The following PHACTR1 variants were observed in gnomAD, a reference collection of about 807,000 sequenced individuals.
PHACTR1 encodes the protein phosphatase and actin regulator 1.
In PHACTR1, 16 loss-of-function variants were observed where a neutral mutation model predicts 69.2. The ratio of observed to expected loss-of-function variants is 0.23; its 90% confidence interval spans 0.16 to 0.35. The LOEUF (loss-of-function observed/expected upper bound fraction) is 0.35, where lower values mean the gene tolerates loss of function less well. Ranked by LOEUF, PHACTR1 falls within the 10% of genes least tolerant of loss-of-function variation. The pLI, the probability that PHACTR1 is intolerant of heterozygous loss-of-function variation, is 1.00. For synonymous variants in PHACTR1, 312 were observed against 284.5 expected (o/e 1.10, Z -0.97); for missense variants, 510 against 734.7 (o/e 0.69, Z 3.54).
At chr6:13,064,586 ATATATATATATATATATATCTATATATC>A (rs1486851908) in intron 5 of PHACTR1, among the ~76,000 whole-genome samples, 634 of 8,894 alleles carry the variant, frequency 0.071, 55 homozygotes, top group Non-Finnish European at 0.098. Context: ...ATATATATAT[ATATATATATATATATATATCTATATATC>A]TATCTATCCA....
At chr6:12,829,544 G>C (rs1157841137) in intron 4 of PHACTR1, among the ~76,000 whole-genome samples, 2 of 152,200 alleles carry the variant, frequency 1.3e-5, no homozygotes, top group Non-Finnish European at 2.9e-5. Flanking sequence ...GTGGCTTGGA[G>C]TATGGAATAA....
chr6:13,124,082 C>A (rs528881998), intron 5 of PHACTR1, among the ~76,000 whole-genome samples: 1 of 152,290 alleles, frequency 6.6e-6, no homozygotes, highest in Admixed American at 6.5e-5. Flanking sequence ...CCAAGATCCT[C>A]ATCAAAAGAA....
chr6:13,028,798 A>T (rs1199653333), intron 4 of PHACTR1, among the ~76,000 whole-genome samples: 1 of 152,180 alleles, frequency 6.6e-6, no homozygotes, highest in Non-Finnish European at 1.5e-5. Context: ...AGAGCCACTG[A>T]ATAAGGAGCA....
At chr6:13,152,911 T>C (rs2113466465) in intron 5 of PHACTR1, among the ~76,000 whole-genome samples, 1 of 151,766 alleles carries the variant, frequency 6.6e-6, no homozygotes, top group East Asian at 1.9e-4. Context: ...ATAAGCAGGC[T>C]TAGGATTGGC....
At chr6:13,280,812 A>G (rs938564404) in intron 12 of PHACTR1, 2 of 513,182 alleles carry the variant, frequency 3.9e-6, no homozygotes, top group African/African-American at 4.0e-5. Context: ...GGCTGCAAAG[A>G]TTATTTTTGC....
rs541213321 is a variant in PHACTR1 at position 13,201,420 on chromosome 6, G to A, written c.665-4395G>A. Among the ~76,000 whole-genome samples, 66 of 152,200 alleles carry A rather than the reference G, an allele frequency of 4.3e-4. 1 individual carries two copies. The highest frequency in any genetic ancestry group is 8.1e-4 in the Non-Finnish European group (55 of 68,038). On this transcript the variant is annotated intron_variant, in intron 7 of 14. Transcript: ENST00000332995. ...GGGAAATCCAGAGGCCAGAGTGGAC[G>A]AGAGAGATGTAAGTGGGAGACTCAT...
chr6:13,131,958 A>G (rs1187264636), intron 5 of PHACTR1, among the ~76,000 whole-genome samples: 1 of 152,118 alleles, frequency 6.6e-6, no homozygotes, highest in Non-Finnish European at 1.5e-5. Context: ...ATATTTCCTA[A>G]TCTCCTTTTT....
intron 4 of PHACTR1, among the ~76,000 whole-genome samples, chr6:12,952,604 T>C (rs1420186908): frequency 6.6e-6 from 1 of 152,228 alleles, no homozygotes; most frequent in Non-Finnish European, 1.5e-5. Flanking sequence ...TACCAGTTTA[T>C]TTATGCATAC....
intron 5 of PHACTR1, among the ~76,000 whole-genome samples, chr6:13,115,148 C>T (rs1476677995): frequency 6.6e-6 from 1 of 152,184 alleles, no homozygotes; most frequent in Non-Finnish European, 1.5e-5. Flanking sequence ...GTATGAGATC[C>T]TAACGTAGGT....
chr6:13,218,515 T>C (rs193188529), intron 8 of PHACTR1, among the ~76,000 whole-genome samples: 28 of 152,252 alleles, frequency 1.8e-4, no homozygotes. Context: ...ATTTTTGAAG[T>C]CTAGAGATCC....
In PHACTR1 at chr6:13,171,446, CTT is replaced by C. The variant is rs752982707; in HGVS notation, c.497-11070_497-11069del. Reference sequence around the variant, plus strand: ...CCTCTCTGTTCCAGAAATGGATTGACTTTTGCATACATGTAAGGCCCATGGTT... The same window carrying C: ...CCTCTCTGTTCCAGAAATGGATTGACTTGCATACATGTAAGGCCCATGGTT... On this transcript the variant is annotated intron_variant, in intron 6 of 14. Coordinates refer to ENST00000332995, the MANE Select transcript of PHACTR1 (RefSeq NM_030948.6). Among the ~76,000 whole-genome samples the C allele has an allele frequency of 8.4e-4, 128 of 152,326 alleles. 1 individual carries two copies. Among genetic ancestry groups the C allele is most frequent in the Admixed American group, 1.3e-3 (20 of 15,312 alleles).
rs1249936148 is a variant in PHACTR1, at chr6:13,125,812, C to G, written c.416-34392C>G. ...AGACTTGGTGGTGCACACCTATAGT[C>G]CCAGCTACTTGGGAGGCTGAGGTGG... On this transcript the variant is annotated intron_variant, in intron 5 of 14. Transcript: ENST00000332995. Among the ~76,000 whole-genome samples the G allele has an allele frequency of 3.3e-5, 5 of 151,968 alleles. No homozygotes were observed. The East Asian group carries it at 9.7e-4, about 29-fold the overall frequency.
chr6:13,163,531 AGAG>A (rs1285007581), intron 6 of PHACTR1, among the ~76,000 whole-genome samples: 8 of 152,238 alleles, frequency 5.3e-5, no homozygotes, highest in African/African-American at 1.7e-4. Context: ...GATGTTGGGA[AGAG>A]GAGAAGAAGA....
intron 4 of PHACTR1, among the ~76,000 whole-genome samples, chr6:13,033,720 A>G (rs1802818360): frequency 6.6e-6 from 1 of 152,180 alleles, no homozygotes; most frequent in Non-Finnish European, 1.5e-5. Flanking sequence ...AGTTGTTTCA[A>G]CTTTTATAGT....
intron 4 of PHACTR1, among the ~76,000 whole-genome samples, chr6:12,907,264 T>G (rs1478531566): frequency 6.6e-6 from 1 of 152,190 alleles, no homozygotes; most frequent in Non-Finnish European, 1.5e-5. Context: ...GAAAAATAAT[T>G]ATAGTTTAAA....
At chr6:12,730,972 C>A (rs1290915215) in intron 3 of PHACTR1, among the ~76,000 whole-genome samples, 1 of 148,150 alleles carries the variant, frequency 6.7e-6, no homozygotes, top group Non-Finnish European at 1.5e-5. Flanking sequence ...GAATATTATG[C>A]AGAATATTAC....
chr6:13,175,374 C>T (rs1459985148), intron 6 of PHACTR1, among the ~76,000 whole-genome samples: 1 of 152,148 alleles, frequency 6.6e-6, no homozygotes, highest in Admixed American at 6.5e-5. Context: ...AGGCATCATC[C>T]AACACAGTCC....
At chr6:12,830,105 GAAAGAAA>G (rs1777317470) in intron 4 of PHACTR1, among the ~76,000 whole-genome samples, 1 of 26,946 alleles carries the variant, frequency 3.7e-5, no homozygotes, top group Admixed American at 5.9e-4. Context: ...AAGAAAGAAA[GAAAGAAA>G]GAAAGAAAGA....
At position 12,860,219 on chromosome 6, in the gene PHACTR1, C is replaced by T. The variant is rs534082064; in HGVS notation, c.250+110429C>T. ...TCGGTGCCCATATGTTCCCATTGTT[C>T]AACTGCCACTTATGAACATTTATGT... On this transcript the variant is annotated intron_variant, in intron 4 of 14. Coordinates refer to ENST00000332995, the MANE Select transcript of PHACTR1 (RefSeq NM_030948.6). Among the ~76,000 whole-genome samples the T allele has an allele frequency of 2.6e-5, 4 of 152,146 alleles. No homozygotes were observed. In the South Asian group the frequency reaches 8.3e-4, roughly 32 times the overall value.
Sources: allele counts gnomAD v4.1 joint callset (sites outside exome capture counted in the v4.1 genomes callset), GRCh38; gene constraint gnomAD v4.1.1; transcripts MANE v1.5; gene names NCBI Gene and HGNC (gene_info 2026-07-23, HGNC 2026-07-21).